ARNT2: variants seen among roughly 807,000 people sequenced by gnomAD.
ARNT2 encodes ARNT protein 2.
ARNT2 carries 36 observed loss-of-function variants against 91.7 expected under a neutral mutation model. The observed-to-expected ratio is 0.39, with a 90% CI of 0.30 to 0.52. The LOEUF is 0.52. ARNT2 is among the 20% of genes least tolerant of loss of function. ARNT2 has a pLI of 0.72. For missense variants in ARNT2, 775 were observed against 939.3 expected, an observed-to-expected ratio of 0.83 and a Z score of 2.29; for synonymous variants, 365 against 347.1, an observed-to-expected ratio of 1.05 and a Z score of -0.57.
chr15:80,525,735 T>C (rs1897629385), intron 8 of ARNT2, among the ~76,000 whole-genome samples: 1 of 152,160 alleles, frequency 6.6e-6, no homozygotes, highest in African/African-American at 2.4e-5. Context: ...TTAGCTGAAA[T>C]GAGGTCATGG....
At chr15:80,410,638 T>A (rs987359942) in intron 1 of ARNT2, among the ~76,000 whole-genome samples, 2 of 152,202 alleles carry the variant, frequency 1.3e-5, no homozygotes, top group African/African-American at 4.8e-5. Flanking sequence ...GTACCATAGT[T>A]CCCAAACAAT....
At chr15:80,554,084 T>C (rs1420522060) in intron 10 of ARNT2, among the ~76,000 whole-genome samples, 1 of 152,196 alleles carries the variant, frequency 6.6e-6, no homozygotes, top group East Asian at 1.9e-4. Context: ...TGGATTGCGA[T>C]CTATGAGTTA....
intron 1 of ARNT2, among the ~76,000 whole-genome samples, chr15:80,425,388 C>G (rs1014743549): frequency 6.6e-6 from 1 of 152,000 alleles, no homozygotes; most frequent in African/African-American, 2.4e-5. Context: ...GGCTATCCTT[C>G]TGAGACAAAA....
chr15:80,410,808 C>G (rs1895671262), intron 1 of ARNT2, among the ~76,000 whole-genome samples: 1 of 146,064 alleles, frequency 6.8e-6, no homozygotes, highest in Non-Finnish European at 1.5e-5. Context: ...ATCTATCTAT[C>G]TATCATCTAT....
intron 2 of ARNT2, among the ~76,000 whole-genome samples, chr15:80,451,700 A>C (rs946165934): frequency 6.6e-6 from 1 of 151,708 alleles, no homozygotes; most frequent in East Asian, 1.9e-4. Flanking sequence ...CAACCAATCA[A>C]CCAACTAACC....
At chr15:80,541,135 A>G (rs1897898292) in intron 8 of ARNT2, among the ~76,000 whole-genome samples, 1 of 152,170 alleles carries the variant, frequency 6.6e-6, no homozygotes, top group Non-Finnish European at 1.5e-5. Flanking sequence ...TTTTCTCTGC[A>G]GCTTTGCCAG....
At chr15:80,471,521 T>C (rs2141395446) in intron 4 of ARNT2, among the ~76,000 whole-genome samples, 1 of 152,288 alleles carries the variant, frequency 6.6e-6, no homozygotes, top group African/African-American at 2.4e-5. Flanking sequence ...AACCTGCATG[T>C]GTACCCCTGA....
intron 1 of ARNT2, among the ~76,000 whole-genome samples, chr15:80,414,281 G>C (rs1012919641): frequency 6.6e-6 from 1 of 152,178 alleles, no homozygotes; most frequent in African/African-American, 2.4e-5. Context: ...GGCCAAGGAT[G>C]CTGCTAAACA....
At chr15:80,521,488 T>C (rs982370883) in intron 8 of ARNT2, among the ~76,000 whole-genome samples, 1 of 152,146 alleles carries the variant, frequency 6.6e-6, no homozygotes, top group African/African-American at 2.4e-5. Flanking sequence ...AAATAAATCA[T>C]GATATTGAAT....
At chr15:80,519,879 T>A (rs1239591047) in intron 8 of ARNT2, among the ~76,000 whole-genome samples, 1 of 148,642 alleles carries the variant, frequency 6.7e-6, no homozygotes, top group Non-Finnish European at 1.5e-5. Context: ...TTTTTTTTTT[T>A]ACTAGAGATG....
intron 8 of ARNT2, among the ~76,000 whole-genome samples, chr15:80,545,498 G>T (rs937858735): frequency 6.6e-6 from 1 of 152,286 alleles, no homozygotes; most frequent in South Asian, 2.1e-4. Flanking sequence ...GAATGGTGTG[G>T]CCAACTTCTA....
chr15:80,457,478 C>T lies in ARNT2; in HGVS notation c.147-451C>T, dbSNP rs551202643. On this transcript the variant is annotated intron_variant, in intron 2 of 18. Coordinates refer to ENST00000303329, the MANE Select transcript of ARNT2 (RefSeq NM_014862.4). The stretch of plus-strand genomic sequence containing the variant: ...CCCTGAAAACTTCTGTTTTCAAAAT[C>T]CCGTGAGCCTTTTTAGGCTCTTAAT... Among the ~76,000 whole-genome samples, 17 of 152,306 alleles carry T rather than the reference C, an allele frequency of 1.1e-4. No homozygotes were observed. In the South Asian group the frequency reaches 3.5e-3, roughly 32 times the overall value.
Position 80,485,464 on chromosome 15 carries a change from G to T in ARNT2, c.622+10241G>T, listed in dbSNP as rs74029809. ...AAACCCATGTGGCCTGGCTCTTGTG[G>T]AGTTTACAGTTCAGTGGGGAAAAGA... On this transcript the variant is annotated intron_variant, in intron 5 of 18. Transcript: ENST00000303329. 4.6e-3 allele frequency among the ~76,000 whole-genome samples: 705 copies of T among 152,332 alleles called. 6 individuals are homozygous for T. The highest frequency in any genetic ancestry group is 0.015 in the African/African-American group (620 of 41,570).
intron 8 of ARNT2, among the ~76,000 whole-genome samples, chr15:80,535,701 T>C (rs8024819): frequency 0.041 from 6,286 of 151,568 alleles, 158 homozygotes; most frequent in East Asian, 0.1. Context: ...TCTTTTAATT[T>C]TGCTTATGTT....
chr15:80,576,368 C>CT (rs1898674789), intron 14 of ARNT2, among the ~76,000 whole-genome samples: 1 of 152,166 alleles, frequency 6.6e-6, no homozygotes, highest in African/African-American at 2.4e-5. Context: ...CCTCCGCCTC[C>CT]TGGGCTCAAG....
chr15:80,404,384 C>T lies in ARNT2; in HGVS notation c.-132C>T, dbSNP rs1895564732. The stretch of plus-strand genomic sequence containing the variant: ...GCGGCGGGGAGAGCGGAGGGAGCGC[C>T]GCCCGCCCGCGCCGTCCTTTGTGTG... On this transcript the variant is annotated 5_prime_UTR_variant, in exon 1 of 19. Coordinates refer to ENST00000303329, the MANE Select transcript of ARNT2 (RefSeq NM_014862.4). This position sits in a 1 kb window ranked among gnomAD's most constrained non-coding sequence, Gnocchi z 5.5. 1 of 406,628 alleles carries T rather than the reference C, an allele frequency of 2.5e-6. No homozygotes were observed. The highest frequency in any genetic ancestry group is 3.4e-6 in the Non-Finnish European group (1 of 295,610). 25.2% of individuals were successfully genotyped at this position (406,628 alleles called of 1,614,324 possible). A position where few individuals can be genotyped will look rare whatever the true frequency, so the allele number is the denominator to read the frequency against.
intron 8 of ARNT2, among the ~76,000 whole-genome samples, chr15:80,542,312 T>C (rs537178030): frequency 1.3e-5 from 2 of 152,222 alleles, no homozygotes; most frequent in African/African-American, 2.4e-5. Context: ...AACTCCCTTA[T>C]GTGCTTAAAG....
chr15:80,546,571 G>C (rs1209204264), intron 8 of ARNT2, among the ~76,000 whole-genome samples: 1 of 152,192 alleles, frequency 6.6e-6, no homozygotes, highest in Non-Finnish European at 1.5e-5. Context: ...GTGAGACTGA[G>C]GTAGACATTT....
chr15:80,563,368 G>A (rs182072402), intron 12 of ARNT2, 129 bp downstream of exon 12: 6 of 1,188,062 alleles, frequency 5.1e-6, no homozygotes, highest in East Asian at 4.7e-5. Flanking sequence ...GTAGGATTAA[G>A]AATAGAGGAG....
Sources: allele counts gnomAD v4.1 joint callset (sites outside exome capture counted in the v4.1 genomes callset), GRCh38; gene constraint gnomAD v4.1.1; non-coding constraint Gnocchi (gnomAD v3.1); transcripts MANE v1.5; gene names NCBI Gene and HGNC (gene_info 2026-07-23, HGNC 2026-07-21).